The following COL26A1 variants were observed in gnomAD, a reference collection of about 807,000 sequenced individuals.
COL26A1 encodes collagen alpha-1(XXVI) chain.
In COL26A1, 41 loss-of-function variants were observed where a neutral mutation model predicts 59.3. The observed-to-expected ratio is 0.69, with a 90% CI of 0.54 to 0.90. The LOEUF is 0.90. Ranked by LOEUF, COL26A1 falls within the 40% of genes least tolerant of loss-of-function variation. The probability of loss-of-function intolerance (pLI) is 0.00; values close to 1 mark genes in which losing one functional copy is unlikely to be tolerated. For missense variants in COL26A1, 612 were observed against 602.3 expected (o/e 1.02, Z -0.17); for synonymous variants, 266 against 256.0 (o/e 1.04, Z -0.37).
In COL26A1 at chr7:101,425,826, AT is replaced by A. The variant is rs531266478; in HGVS notation, c.281+5744del. 9.8e-3 allele frequency among the ~76,000 whole-genome samples: 1,291 copies of A among 131,288 alleles called. 12 individuals are homozygous for A. The highest frequency in any genetic ancestry group is 0.025 in the African/African-American group (877 of 34,558). The allele number at this position is 131,288 out of a possible 152,430, so 86.1% of individuals were successfully genotyped here. ...CCGGCCCCCAGTGCTTCTTAGCATA[AT>A]TTTTTTTTTTTTTTTTGGAGACGGA... On this transcript the variant is annotated intron_variant, in intron 2 of 12. Transcript: ENST00000313669.
intron 1 of COL26A1, among the ~76,000 whole-genome samples, chr7:101,405,481 C>T (rs563609470): frequency 2.2e-3 from 332 of 152,186 alleles, no homozygotes; most frequent in African/African-American, 7.5e-3. Flanking sequence ...CAGACACAAG[C>T]CACCATGCCC....
intron 9 of COL26A1, among the ~76,000 whole-genome samples, chr7:101,549,778 G>A (rs140493170): frequency 0.012 from 1,858 of 152,310 alleles, 45 homozygotes; most frequent in African/African-American, 0.043. Flanking sequence ...TTTCACAGAT[G>A]AGCTAACTGA....
At chr7:101,379,960 A>G (rs1304066165) in intron 1 of COL26A1, among the ~76,000 whole-genome samples, 1 of 152,178 alleles carries the variant, frequency 6.6e-6, no homozygotes, top group Non-Finnish European at 1.5e-5. Context: ...CTGTCTATGG[A>G]GTAGCCATTC....
At chr7:101,394,867 T>G (rs1416913932) in intron 1 of COL26A1, among the ~76,000 whole-genome samples, 1 of 146,016 alleles carries the variant, frequency 6.8e-6, no homozygotes, top group African/African-American at 2.6e-5. Context: ...TCTTTTTCTT[T>G]TCTTTTTTTT....
chr7:101,546,649 G>A (rs1000707366), intron 7 of COL26A1, among the ~76,000 whole-genome samples: 1 of 152,152 alleles, frequency 6.6e-6, no homozygotes, highest in South Asian at 2.1e-4. Flanking sequence ...TGGCCAGGGT[G>A]AATCAGGTGA....
rs1793674144 is a variant in COL26A1, at chr7:101,463,682, C to T, written c.385+15895C>T. Among the ~76,000 whole-genome samples the T allele has an allele frequency of 3.9e-5, 4 of 103,500 alleles. No individual in the cohort carries two copies. In the South Asian group the frequency reaches 1.5e-3, roughly 40 times the overall value. 67.9% of individuals were successfully genotyped at this position (103,500 alleles called of 152,430 possible). A position where few individuals can be genotyped will look rare whatever the true frequency, so the allele number is the denominator to read the frequency against. On this transcript the variant is annotated intron_variant, in intron 3 of 12. Transcript: ENST00000313669. ...TCCATCCTTCCTTCCTCCCTCCCGTCCCCTTTCTTTCTTTTTCTCTCTCTT... is the reference window on the plus strand; with the variant it reads ...TCCATCCTTCCTTCCTCCCTCCCGTTCCCTTTCTTTCTTTTTCTCTCTCTT...
intron 1 of COL26A1, among the ~76,000 whole-genome samples, chr7:101,374,199 T>C (rs867338318): frequency 6.6e-6 from 1 of 152,158 alleles, no homozygotes; most frequent in Non-Finnish European, 1.5e-5. Context: ...AACCAGGGTC[T>C]AGAGCTTCTC....
At chr7:101,533,024 G>A in intron 3 of COL26A1, 58 bp from the exon 4 acceptor site, 1 of 1,327,718 alleles carries the variant, frequency 7.5e-7, no homozygotes, top group Non-Finnish European at 1.1e-6. Context: ...TGGTGACTGG[G>A]CTGCTGTCTT....
chr7:101,553,576 G>C (rs994455093), intron 11 of COL26A1, among the ~76,000 whole-genome samples, 200 bp downstream of exon 11: 2 of 152,020 alleles, frequency 1.3e-5, no homozygotes, highest in African/African-American at 2.4e-5. Context: ...GATTGCAAGA[G>C]AGTGAGAAGG....
intron 2 of COL26A1, among the ~76,000 whole-genome samples, chr7:101,432,862 C>T (rs1196784910): frequency 6.6e-6 from 1 of 151,946 alleles, no homozygotes; most frequent in Non-Finnish European, 1.5e-5. Context: ...GCCACCACAC[C>T]TGGCTAATTT....
At chr7:101,408,168 A>T (rs1158469771) in intron 1 of COL26A1, among the ~76,000 whole-genome samples, 1 of 152,198 alleles carries the variant, frequency 6.6e-6, no homozygotes, top group Non-Finnish European at 1.5e-5. Flanking sequence ...GAAGATTCTG[A>T]GCCAGAGTCT....
chr7:101,375,879 G>A (rs1159950499), intron 1 of COL26A1, among the ~76,000 whole-genome samples: 1 of 151,740 alleles, frequency 6.6e-6, no homozygotes, highest in African/African-American at 2.4e-5. Flanking sequence ...CCACCTACTT[G>A]GGAGGCTGAG....
intron 1 of COL26A1, among the ~76,000 whole-genome samples, chr7:101,416,830 C>T (rs1007771204): frequency 7.0e-6 from 1 of 143,312 alleles, no homozygotes; most frequent in East Asian, 1.9e-4. Context: ...GTCTCAAACT[C>T]CTGTGCTCCA....
intron 5 of COL26A1, among the ~76,000 whole-genome samples, chr7:101,541,153 G>T (rs1036638118): frequency 6.6e-6 from 1 of 152,086 alleles, no homozygotes; most frequent in Non-Finnish European, 1.5e-5. Flanking sequence ...TATCTGCCCT[G>T]CTCCTTGGCT....
At position 101,500,197 on chromosome 7, in the gene COL26A1, G is replaced by A. The variant is rs573948174; in HGVS notation, c.386-32885G>A. On this transcript the variant is annotated intron_variant, in intron 3 of 12. Transcript: ENST00000313669. ...CTATTGCAACGTCCCCGCCTCTCTC[G>A]CCACCCTTCCTAGCCTTTCCAGGGT... Among the ~76,000 whole-genome samples the A allele has an allele frequency of 2.5e-4, 38 of 152,238 alleles. No individual in the cohort carries two copies. In the South Asian group the frequency reaches 6.0e-3, roughly 24 times the overall value.
intron 10 of COL26A1, among the ~76,000 whole-genome samples, chr7:101,551,352 C>G (rs1795859318): frequency 6.6e-6 from 1 of 152,200 alleles, no homozygotes; most frequent in Non-Finnish European, 1.5e-5. Context: ...AGTGCGCTGA[C>G]AGTCCTGAGT....
chr7:101,505,411 A>G (rs1241676685), intron 3 of COL26A1, among the ~76,000 whole-genome samples: 1 of 150,380 alleles, frequency 6.6e-6, no homozygotes, highest in Non-Finnish European at 1.5e-5. Context: ...CTGTGAATTT[A>G]CTTTGTTTTT....
chr7:101,492,446 C>G (rs557982895), intron 3 of COL26A1, among the ~76,000 whole-genome samples: 4 of 151,922 alleles, frequency 2.6e-5, no homozygotes, highest in Admixed American at 2.0e-4. Context: ...CCTGTAATCT[C>G]AGCACTTTGG....
At chr7:101,409,024 T>C (rs921272612) in intron 1 of COL26A1, among the ~76,000 whole-genome samples, 2 of 152,244 alleles carry the variant, frequency 1.3e-5, no homozygotes, top group Non-Finnish European at 2.9e-5. Flanking sequence ...GGACATGTTA[T>C]TTACTCCTTC....
Sources: gnomAD v4.1 joint callset for allele counts (sites outside exome capture counted in the v4.1 genomes callset) on GRCh38, gnomAD v4.1.1 for gene constraint, MANE v1.5 for transcripts, NCBI Gene and HGNC (gene_info 2026-07-23, HGNC 2026-07-21) for gene names.